LHFPL3: variants seen among roughly 807,000 people sequenced by gnomAD.
LHFPL3 encodes the protein LHFPL tetraspan subfamily member 3 protein.
In LHFPL3, 5 loss-of-function variants were observed where a neutral mutation model predicts 19.3. That is an observed-to-expected ratio of 0.26 (90% CI 0.14 to 0.54). The LOEUF is 0.54. LHFPL3 is among the 20% of genes least tolerant of loss of function. The pLI is 0.94. For synonymous variants in LHFPL3, 133 were observed against 126.2 expected (o/e 1.05, Z -0.36); for missense variants, 249 against 307.4 (o/e 0.81, Z 1.42).
At chr7:104,466,031 A>G (rs1792776701) in intron 1 of LHFPL3, among the ~76,000 whole-genome samples, 1 of 152,182 alleles carries the variant, frequency 6.6e-6, no homozygotes. Context: ...AGAGAAGAAT[A>G]TATATTATGT....
intron 1 of LHFPL3, among the ~76,000 whole-genome samples, chr7:104,735,211 C>A (rs1330373729): frequency 3.3e-5 from 5 of 152,226 alleles, no homozygotes; most frequent in African/African-American, 1.2e-4. Context: ...ATCTCAAACT[C>A]CGTGCTGGGA....
intron 1 of LHFPL3, among the ~76,000 whole-genome samples, chr7:104,619,695 A>T (rs1022669857): frequency 1.3e-5 from 2 of 152,084 alleles, no homozygotes; most frequent in African/African-American, 4.8e-5. Context: ...AGTGTTCTCG[A>T]TGGGGGGAGA....
intron 1 of LHFPL3, among the ~76,000 whole-genome samples, chr7:104,346,178 G>A (rs2116377858): frequency 6.6e-6 from 1 of 151,990 alleles, no homozygotes; most frequent in Non-Finnish European, 1.5e-5. Flanking sequence ...TGAGGCTACA[G>A]GCACGTGCTA....
chr7:104,734,611 G>A (rs1475634259), intron 1 of LHFPL3, among the ~76,000 whole-genome samples: 3 of 152,096 alleles, frequency 2.0e-5, no homozygotes, highest in African/African-American at 7.2e-5. Flanking sequence ...ATTCTAGTTA[G>A]CCATTCGTCT....
intron 1 of LHFPL3, among the ~76,000 whole-genome samples, chr7:104,380,561 G>A (rs1790807156): frequency 6.6e-6 from 1 of 152,018 alleles, no homozygotes; most frequent in Admixed American, 6.6e-5. Context: ...AAACATATCT[G>A]GGATATTTTT....
intron 1 of LHFPL3, among the ~76,000 whole-genome samples, chr7:104,357,757 T>TTCCTCCTCCTCC (rs143282110): frequency 6.6e-6 from 1 of 151,282 alleles, no homozygotes; most frequent in East Asian, 2.0e-4. Flanking sequence ...ATTTCTCCTC[T>TTCCTCCTCCTCC]TCCTCCTCCT....
In LHFPL3 at chr7:104,341,983, T is replaced by G. The variant is rs117820348; in HGVS notation, c.445+12759T>G. On this transcript the variant is annotated intron_variant, in intron 1 of 2. Coordinates refer to ENST00000424859, the MANE Select transcript of LHFPL3 (RefSeq NM_199000.3). The stretch of plus-strand genomic sequence containing the variant: ...GGAAAAGCTAACTCCTCCTGAATAT[T>G]TCTGCAGCCCCTTGCCTTAATATAA... Among the ~76,000 whole-genome samples the G allele has an allele frequency of 6.3e-3, 953 of 152,320 alleles. 7 individuals carry two copies. The highest frequency in any genetic ancestry group is 0.017 in the Middle Eastern group (5 of 294).
chr7:104,455,472 G>A (rs1792521374), intron 1 of LHFPL3, among the ~76,000 whole-genome samples: 1 of 152,180 alleles, frequency 6.6e-6, no homozygotes, highest in Non-Finnish European at 1.5e-5. Context: ...TGTAATCCCA[G>A]CACTTTGGGA....
intron 2 of LHFPL3, among the ~76,000 whole-genome samples, chr7:104,845,896 T>A (rs1456685702): frequency 6.6e-6 from 1 of 152,098 alleles, no homozygotes; most frequent in Non-Finnish European, 1.5e-5. Flanking sequence ...CTCCATAGAG[T>A]GAATGCTAAG....
intron 2 of LHFPL3, among the ~76,000 whole-genome samples, chr7:104,859,093 T>C (rs1791564355): frequency 6.7e-6 from 1 of 149,148 alleles, no homozygotes; most frequent in East Asian, 2.2e-4. Flanking sequence ...CAAAACCCAG[T>C]CTCTACTAAA....
At chr7:104,561,023 T>A (rs1236080368) in intron 1 of LHFPL3, among the ~76,000 whole-genome samples, 1 of 151,772 alleles carries the variant, frequency 6.6e-6, no homozygotes, top group Non-Finnish European at 1.5e-5. Context: ...GAGTTCTAGT[T>A]TGATTGCACT....
intron 1 of LHFPL3, among the ~76,000 whole-genome samples, chr7:104,426,418 A>G (rs545051928): frequency 3.3e-5 from 5 of 152,086 alleles, no homozygotes; most frequent in East Asian, 1.9e-4. Flanking sequence ...CACCACGCCC[A>G]GCTAATTTTG....
intron 2 of LHFPL3, among the ~76,000 whole-genome samples, chr7:104,821,262 T>C (rs1405593279): frequency 6.6e-6 from 1 of 152,184 alleles, no homozygotes; most frequent in Non-Finnish European, 1.5e-5. Flanking sequence ...ATCCTCCTGC[T>C]CTCAGGCTGT....
intron 1 of LHFPL3, among the ~76,000 whole-genome samples, chr7:104,410,922 A>G (rs898368344): frequency 6.6e-6 from 1 of 152,176 alleles, no homozygotes; most frequent in Non-Finnish European, 1.5e-5. Flanking sequence ...ATTTTCAGAA[A>G]TGTGATTCAT....
intron 1 of LHFPL3, among the ~76,000 whole-genome samples, chr7:104,339,304 C>T (rs1326077167): frequency 6.6e-6 from 1 of 152,070 alleles, no homozygotes; most frequent in African/African-American, 2.4e-5. Flanking sequence ...GCAACGACCA[C>T]TTGCAAAAAC....
Position 104,838,118 on chromosome 7 carries a change from C to A in LHFPL3, c.683-68069C>A, listed in dbSNP as rs191674936. ...AACTTACCTCAATGACCCTGGCCATCCTGCAATTAGCCATCCTTTTGGTTC... is the reference window on the plus strand; with the variant it reads ...AACTTACCTCAATGACCCTGGCCATACTGCAATTAGCCATCCTTTTGGTTC... On this transcript the variant is annotated intron_variant, in intron 2 of 2. Transcript: ENST00000424859. 2.4e-4 allele frequency among the ~76,000 whole-genome samples: 36 copies of A among 152,296 alleles called. No individual in the cohort carries two copies. The East Asian group carries it at 6.2e-3, about 26-fold the overall frequency.
Position 104,902,421 on chromosome 7 carries a change from G to A in LHFPL3, c.683-3766G>A, listed in dbSNP as rs779285007. On this transcript the variant is annotated intron_variant, in intron 2 of 2. Transcript: ENST00000424859. Reference sequence around the variant, plus strand: ...AGGAGGAAGAGGAGGAGGGAGAGGAGAAGGAGGAGGAGGAGGAGGGGGAGG... The same window carrying A: ...AGGAGGAAGAGGAGGAGGGAGAGGAAAAGGAGGAGGAGGAGGAGGGGGAGG... Among the ~76,000 whole-genome samples, 53 of 151,654 alleles carry A rather than the reference G, an allele frequency of 3.5e-4. 1 individual carries two copies. Among genetic ancestry groups the A allele is most frequent in the Non-Finnish European group, 5.9e-4 (40 of 67,870 alleles).
intron 1 of LHFPL3, among the ~76,000 whole-genome samples, chr7:104,357,304 C>A (rs560136189): frequency 2.6e-5 from 4 of 152,144 alleles, no homozygotes; most frequent in Admixed American, 1.3e-4. Context: ...TGACAAGTCA[C>A]GTGCAATTTT....
At chr7:104,847,732 G>A (rs920286409) in intron 2 of LHFPL3, among the ~76,000 whole-genome samples, 6 of 152,284 alleles carry the variant, frequency 3.9e-5, no homozygotes, top group Admixed American at 1.3e-4. Context: ...GCCTGGTATC[G>A]AACTCCTGAC....
Sources: allele counts gnomAD v4.1 joint callset (sites outside exome capture counted in the v4.1 genomes callset), GRCh38; gene constraint gnomAD v4.1.1; transcripts MANE v1.5; gene names NCBI Gene and HGNC (gene_info 2026-07-23, HGNC 2026-07-21).